The following LINGO2 variants were observed in gnomAD, a reference collection of about 807,000 sequenced individuals.
LINGO2 encodes leucine rich repeat and Ig domain containing 2, also known as leucine-rich repeat and immunoglobulin-like domain-containing nogo receptor-interacting protein 2.
Under a neutral mutation model 30.6 loss-of-function variants are expected in LINGO2, and 14 were observed. The ratio of observed to expected loss-of-function variants is 0.46; its 90% confidence interval spans 0.30 to 0.72. The LOEUF is 0.72. Among genes scored for constraint, LINGO2 ranks in the 30% least tolerant of loss-of-function variants. LINGO2 has a pLI of 0.07. For missense variants in LINGO2, 729 were observed against 751.7 expected, an observed-to-expected ratio of 0.97 and a Z score of 0.35; for synonymous variants, 317 against 288.5, an observed-to-expected ratio of 1.10 and a Z score of -1.00.
At chr9:28,637,677 C>A (rs1348567759) in intron 1 of LINGO2, among the ~76,000 whole-genome samples, 1 of 152,082 alleles carries the variant, frequency 6.6e-6, no homozygotes, top group Non-Finnish European at 1.5e-5. Context: ...ATTTTGAATC[C>A]TGAGACTTTG....
chr9:28,553,945 T>C (rs1056456381), intron 1 of LINGO2, among the ~76,000 whole-genome samples: 8 of 151,930 alleles, frequency 5.3e-5, no homozygotes, highest in African/African-American at 1.7e-4. Flanking sequence ...GACAAGCAAA[T>C]GCTGAGAGAT....
At chr9:28,373,230 G>A (rs896922837) in intron 2 of LINGO2, among the ~76,000 whole-genome samples, 1 of 152,138 alleles carries the variant, frequency 6.6e-6, no homozygotes, top group African/African-American at 2.4e-5. Context: ...AAGCCATCAT[G>A]ATAAGATTTT....
intron 1 of LINGO2, among the ~76,000 whole-genome samples, chr9:28,615,136 A>G (rs938720774): frequency 2.0e-5 from 3 of 152,268 alleles, no homozygotes; most frequent in Admixed American, 1.3e-4. Flanking sequence ...AGAAAATTTA[A>G]TGTCACTTCT....
the LINGO2 span, among the ~76,000 whole-genome samples, chr9:29,165,887 G>T: frequency 9.2e-5 from 14 of 151,988 alleles, no homozygotes; most frequent in African/African-American, 3.4e-4. Context: ...ATCCATCAAG[G>T]TTCATTTTAT....
At chr9:28,163,664 C>G (rs2133611339) in intron 4 of LINGO2, among the ~76,000 whole-genome samples, 1 of 152,198 alleles carries the variant, frequency 6.6e-6, no homozygotes, top group East Asian at 1.9e-4. Flanking sequence ...AATACATGGT[C>G]AAAGACTCAC....
the LINGO2 span, among the ~76,000 whole-genome samples, chr9:28,749,287 C>G: frequency 6.6e-6 from 1 of 152,004 alleles, no homozygotes; most frequent in Non-Finnish European, 1.5e-5. Flanking sequence ...CATTGAGAGC[C>G]TTTTACATTG....
chr9:28,352,925 G>A (rs1358421771), intron 3 of LINGO2, among the ~76,000 whole-genome samples: 1 of 149,452 alleles, frequency 6.7e-6, no homozygotes, highest in Non-Finnish European at 1.5e-5. Context: ...TTAATAAATG[G>A]TGCTGGGAAA....
At chr9:29,116,226 T>C in the LINGO2 span, among the ~76,000 whole-genome samples, 20 of 151,966 alleles carry the variant, frequency 1.3e-4, no homozygotes, top group African/African-American at 4.6e-4. Context: ...CTAAGAAACA[T>C]ATCTATACTC....
At chr9:28,813,319 T>A in the LINGO2 span, among the ~76,000 whole-genome samples, 5 of 152,188 alleles carry the variant, frequency 3.3e-5, no homozygotes, top group African/African-American at 1.2e-4. Flanking sequence ...TACTTAACGT[T>A]TAATTCATAA....
chr9:29,008,167 A>G, the LINGO2 span, among the ~76,000 whole-genome samples: 1 of 150,438 alleles, frequency 6.6e-6, no homozygotes, highest in Non-Finnish European at 1.5e-5. Flanking sequence ...ATGAGTGAGA[A>G]CATGTGATGT....
intron 4 of LINGO2, among the ~76,000 whole-genome samples, chr9:28,284,735 G>C (rs1823445642): frequency 6.6e-6 from 1 of 152,120 alleles, no homozygotes; most frequent in Non-Finnish European, 1.5e-5. Context: ...CTACTGTAAA[G>C]ATATATGTTA....
chr9:28,167,662 C>G (rs954950871), intron 4 of LINGO2, among the ~76,000 whole-genome samples: 8 of 152,324 alleles, frequency 5.3e-5, no homozygotes, highest in African/African-American at 1.9e-4. Context: ...ATTGGGATTA[C>G]AGGTGTGAGC....
At chr9:29,131,690 A>G in the LINGO2 span, among the ~76,000 whole-genome samples, 1 of 152,084 alleles carries the variant, frequency 6.6e-6, no homozygotes, top group Non-Finnish European at 1.5e-5. Context: ...TGGAACCTTG[A>G]AAAGTCATCA....
At chr9:28,042,440 A>G (rs1824236358) in intron 4 of LINGO2, among the ~76,000 whole-genome samples, 1 of 152,212 alleles carries the variant, frequency 6.6e-6, no homozygotes, top group Non-Finnish European at 1.5e-5. Flanking sequence ...TTTGAGGATG[A>G]GCTATGTCTT....
At chr9:28,381,273 G>A (rs1209077952) in intron 2 of LINGO2, among the ~76,000 whole-genome samples, 1 of 152,032 alleles carries the variant, frequency 6.6e-6, no homozygotes, top group African/African-American at 2.4e-5. Context: ...GACTAACATG[G>A]TCAAACATGG....
At chr9:29,146,804 G>C in the LINGO2 span, among the ~76,000 whole-genome samples, 42 of 152,190 alleles carry the variant, frequency 2.8e-4, no homozygotes, top group African/African-American at 8.7e-4. Context: ...AGAAAACTTG[G>C]ACTCTCCAGA....
intron 4 of LINGO2, among the ~76,000 whole-genome samples, chr9:28,288,199 T>C (rs1823587923): frequency 6.6e-6 from 1 of 152,196 alleles, no homozygotes; most frequent in Non-Finnish European, 1.5e-5. Context: ...CACTACAGTC[T>C]AGCCACTACC....
chr9:28,420,097 G>C (rs1338219053), intron 2 of LINGO2, among the ~76,000 whole-genome samples: 1 of 152,060 alleles, frequency 6.6e-6, no homozygotes, highest in Non-Finnish European at 1.5e-5. Context: ...TAGTTTCTTA[G>C]AGTCCTAGTA....
chr9:28,889,268 A>C, the LINGO2 span, among the ~76,000 whole-genome samples: 2 of 152,116 alleles, frequency 1.3e-5, no homozygotes, highest in African/African-American at 2.4e-5. Flanking sequence ...CCTGAGTCAA[A>C]GTATCAGTCT....
Sources: gnomAD v4.1 joint callset for allele counts (sites outside exome capture counted in the v4.1 genomes callset) on GRCh38, gnomAD v4.1.1 for gene constraint, MANE v1.5 for transcripts, NCBI Gene and HGNC (gene_info 2026-07-23, HGNC 2026-07-21) for gene names.